The following ASB17 variants were observed in gnomAD, a reference collection of about 807,000 sequenced individuals.
ASB17 encodes the protein ankyrin repeat and SOCS box containing 17.
ASB17 carries 26 observed loss-of-function variants against 25.7 expected under a neutral mutation model. That is an observed-to-expected ratio of 1.01 (90% CI 0.74 to 1.40). The LOEUF (loss-of-function observed/expected upper bound fraction) is 1.40. ASB17 is among the 40% of genes most tolerant of loss of function. ASB17 has a pLI of 0.00. For missense variants in ASB17, 326 were observed against 338.5 expected (o/e 0.96, Z 0.29); for synonymous variants, 128 against 121.4 (o/e 1.05, Z -0.36).
chr1:75,926,820 G>T (rs1011525192), intron 1 of ASB17, among the ~76,000 whole-genome samples: 1 of 152,130 alleles, frequency 6.6e-6, no homozygotes, highest in African/African-American at 2.4e-5. Flanking sequence ...TCTCTACCTC[G>T]ATATCCATTA....
chr1:75,922,360 C>A lies in ASB17; in HGVS notation c.402-1G>T. On this transcript the variant is annotated splice_acceptor_variant, in intron 1 of 2. Coordinates refer to ENST00000284142, the MANE Select transcript of ASB17 (RefSeq NM_080868.3). LOFTEE classifies it high-confidence loss of function. Reference sequence around the variant, plus strand: ...TGGACAGTATACTGGTGTGAAAGTTCTGTGAATTAAACAAAACAAAAACTC... The same window carrying A: ...TGGACAGTATACTGGTGTGAAAGTTATGTGAATTAAACAAAACAAAAACTC... 1 of 1,561,474 alleles carries A rather than the reference C, an allele frequency of 6.4e-7. No individual in the cohort carries two copies. The highest frequency in any genetic ancestry group is 1.2e-5 in the South Asian group (1 of 81,148).
intron 1 of ASB17, among the ~76,000 whole-genome samples, chr1:75,925,751 T>C (rs568995613): frequency 6.6e-6 from 1 of 152,334 alleles, no homozygotes; most frequent in African/African-American, 2.4e-5. Flanking sequence ...CAGAGAATTA[T>C]TCAGTTTTTT....
chr1:75,931,253 C>G (rs1653314478), intron 1 of ASB17, among the ~76,000 whole-genome samples: 1 of 152,072 alleles, frequency 6.6e-6, no homozygotes, highest in African/African-American at 2.4e-5. Context: ...TTAGTGCAAA[C>G]TAGGTAACTT....
rs398049375 is a variant in ASB17, at chr1:75,930,377, T to TAA, written c.401+1512_401+1513dup. ...ATAAATATAAATATATATATATATA[T>TAA]AACACTAGGAAAAACAAGGACCCCA... On this transcript the variant is annotated intron_variant, in intron 1 of 2. Coordinates refer to ENST00000284142, the MANE Select transcript of ASB17 (RefSeq NM_080868.3). Among the ~76,000 whole-genome samples the TAA allele has an allele frequency of 4.8e-5, 7 of 145,232 alleles. No homozygotes were observed. The East Asian group carries it at 6.1e-4, about 13-fold the overall frequency.
chr1:75,931,994 A>G lies in ASB17; in HGVS notation c.298T>C (p.Trp100Arg). ...TEICVNTILYWVFARKGNPDF... is the reference protein window; with the variant it reads ...TEICVNTILYRVFARKGNPDF... ...GGATTACCTTTTCTGGCAAAAACCC[A>G]GTACAGAATTGTATTCACACATATT... Residue 100 changes from tryptophan (W) to arginine (R), a missense_variant, in exon 1 of 3, where the codon TGG (tryptophan) becomes CGG (arginine). By Grantham distance (101) the Trp-to-Arg change is moderately radical. Coordinates refer to ENST00000284142, the MANE Select transcript of ASB17 (RefSeq NM_080868.3). 6.2e-7 allele frequency: 1 copy of G among 1,614,112 alleles called. No homozygotes were observed. The highest frequency in any genetic ancestry group is 8.5e-7 in the Non-Finnish European group (1 of 1,179,994).
intron 2 of ASB17, among the ~76,000 whole-genome samples, chr1:75,919,837 C>T (rs1652981701): frequency 1.3e-5 from 2 of 152,116 alleles, no homozygotes; most frequent in Admixed American, 1.3e-4. Context: ...AATAGTGCTG[C>T]AATAAACATA....
chr1:75,923,408 T>C (rs1653082013), intron 1 of ASB17, among the ~76,000 whole-genome samples: 1 of 152,328 alleles, frequency 6.6e-6, no homozygotes, highest in African/African-American at 2.4e-5. Flanking sequence ...TGGTATATAC[T>C]TCTTGCAGTT....
At position 75,918,974 on chromosome 1, in the gene ASB17, T is replaced by G; in HGVS notation, c.866A>C (p.Asn289Thr). Residue 289 changes from asparagine to threonine, a missense_variant, in exon 3 of 3, where the codon AAC becomes ACC. Coordinates refer to ENST00000284142, the MANE Select transcript of ASB17 (RefSeq NM_080868.3). ...FSLLIPARLQ[N>T]YLNLEI ...ATGTTAGATTTCTAAATTCAGATAG[T>G]TTTGTAGACGAGCAGGAATTAGAAG... 1.2e-6 allele frequency: 2 copies of G among 1,612,160 alleles called. No homozygotes were observed. Among genetic ancestry groups the G allele is most frequent in the Non-Finnish European group, 1.7e-6 (2 of 1,178,434 alleles).
intron 1 of ASB17, among the ~76,000 whole-genome samples, chr1:75,928,837 A>G (rs749909688): frequency 5.9e-5 from 9 of 152,254 alleles, no homozygotes; most frequent in Non-Finnish European, 1.3e-4. Context: ...TCTATCCGTG[A>G]GGATAGATAG....
rs752448006 is a variant in ASB17, at chr1:75,932,254, C to G, written c.38G>C (p.Cys13Ser). 3.7e-6 allele frequency: 6 copies of G among 1,612,570 alleles called. No individual in the cohort carries two copies. The East Asian group carries it at 1.3e-4, about 36-fold the overall frequency. The change falls in exon 1 of 3, where the codon TGT (cysteine) becomes TCT (serine). Residue 13 changes from cysteine (C) to serine (S), a missense_variant. Cys to Ser is a moderately radical substitution (Grantham distance 112). Coordinates refer to ENST00000284142, the MANE Select transcript of ASB17 (RefSeq NM_080868.3). ...KSTKLCGKTS[C>S]PRSNIFCNLL... Reference sequence around the variant, plus strand: ...ATTGCAGAATATATTGCTTCTTGGACAAGAAGTCTTACCACATAATTTAGT... The same window carrying G: ...ATTGCAGAATATATTGCTTCTTGGAGAAGAAGTCTTACCACATAATTTAGT...
intron 1 of ASB17, among the ~76,000 whole-genome samples, chr1:75,929,901 A>C (rs75578876): frequency 0.076 from 11,248 of 148,902 alleles, 633 homozygotes; most frequent in East Asian, 0.26. Context: ...GCCTTTAGCC[A>C]CATGGTAGAG....
At chr1:75,929,461 C>T (rs533434782) in intron 1 of ASB17, among the ~76,000 whole-genome samples, 2 of 151,970 alleles carry the variant, frequency 1.3e-5, no homozygotes, top group East Asian at 2.0e-4. Flanking sequence ...CCTCGTGATC[C>T]GCCCGCCTCA....
intron 1 of ASB17, among the ~76,000 whole-genome samples, chr1:75,925,538 C>T (rs542001794): frequency 8.4e-4 from 128 of 152,182 alleles, no homozygotes; most frequent in African/African-American, 3.0e-3. Context: ...GATTAATCCT[C>T]ATGTTTAAAG....
chr1:75,920,779 C>A (rs1017919179), intron 2 of ASB17, among the ~76,000 whole-genome samples: 47 of 151,920 alleles, frequency 3.1e-4, no homozygotes, highest in African/African-American at 9.9e-4. Flanking sequence ...CTTTTCTTTT[C>A]TTTTCTTTTT....
At chr1:75,923,228 A>G (rs766681359) in intron 1 of ASB17, among the ~76,000 whole-genome samples, 8 of 152,124 alleles carry the variant, frequency 5.3e-5, no homozygotes, top group Non-Finnish European at 1.0e-4. Context: ...GGGCTTAGGA[A>G]ATGTAAATTA....
chr1:75,920,758 G>GCTTTT (rs141302515), intron 2 of ASB17, among the ~76,000 whole-genome samples: 13,659 of 151,210 alleles, frequency 0.09, 722 homozygotes, highest in Admixed American at 0.15. Context: ...CTGTCCTAGT[G>GCTTTT]CTTTTCTTTT....
intron 2 of ASB17, among the ~76,000 whole-genome samples, chr1:75,919,991 A>C (rs537801609): frequency 1.9e-4 from 29 of 152,300 alleles, no homozygotes; most frequent in Non-Finnish European, 3.7e-4. Flanking sequence ...TATTTTATCA[A>C]CTTCTTCCTG....
intron 1 of ASB17, among the ~76,000 whole-genome samples, chr1:75,929,197 GT>G (rs1353591574): frequency 6.6e-6 from 1 of 151,442 alleles, no homozygotes; most frequent in Non-Finnish European, 1.5e-5. Flanking sequence ...TTCATGTAGG[GT>G]TTTTATTTTT....
chr1:75,931,551 TATATAA>T (rs1379200124), intron 1 of ASB17, among the ~76,000 whole-genome samples: 1 of 152,160 alleles, frequency 6.6e-6, no homozygotes, highest in Non-Finnish European at 1.5e-5. Context: ...CTTATAAACA[TATATAA>T]ATATAAAACC....
Sources: gnomAD v4.1 joint callset for allele counts (sites outside exome capture counted in the v4.1 genomes callset) on GRCh38, gnomAD v4.1.1 for gene constraint, MANE v1.5 for transcripts, NCBI Gene and HGNC (gene_info 2026-07-23, HGNC 2026-07-21) for gene names.